Variants in CBLB observed in about 807,000 individuals in gnomAD.
CBLB encodes the protein E3 ubiquitin-protein ligase CBL-B.
In CBLB, 31 loss-of-function variants were observed where a neutral mutation model predicts 104.9. The ratio of observed to expected loss-of-function variants is 0.30; its 90% confidence interval spans 0.22 to 0.40. CBLB has a LOEUF of 0.40. Ranked by LOEUF, CBLB falls within the 10% of genes least tolerant of loss-of-function variation. The probability of loss-of-function intolerance (pLI) is 1.00; values close to 1 mark genes in which losing one functional copy is unlikely to be tolerated. For missense variants in CBLB, 1,062 were observed against 1,214.6 expected, an observed-to-expected ratio of 0.87 and a Z score of 1.87; for synonymous variants, 440 against 422.6, an observed-to-expected ratio of 1.04 and a Z score of -0.51.
At position 105,775,408 on chromosome 3, in the gene CBLB, G is replaced by A. The variant is rs770934964; in HGVS notation, c.566+988C>T. Among the ~76,000 whole-genome samples, 5 of 151,908 alleles carry A rather than the reference G, an allele frequency of 3.3e-5. No homozygotes were observed. The South Asian group carries it at 6.3e-4, about 19-fold the overall frequency. On this transcript the variant is annotated intron_variant, in intron 4 of 18. Transcript: ENST00000394030. ...AAACAAACAAAGGAAAACCAATATC[G>A]CAGTTCAACATATCAAAGTACTAAA...
chr3:105,788,753 T>C (rs1035208569), intron 3 of CBLB, among the ~76,000 whole-genome samples: 1 of 152,202 alleles, frequency 6.6e-6, no homozygotes, highest in African/African-American at 2.4e-5. Context: ...GGAGTCTATT[T>C]CCCTCCCCTT....
At chr3:105,853,710 A>G in intron 2 of CBLB, 46 bp from the exon 3 acceptor site, 1 of 1,370,340 alleles carries the variant, frequency 7.3e-7, no homozygotes, top group Non-Finnish European at 1.0e-6. Flanking sequence ...ATTTTATTTC[A>G]CAGAAAAATT....
intron 8 of CBLB, among the ~76,000 whole-genome samples, chr3:105,735,888 G>C (rs542377414): frequency 1.3e-5 from 2 of 152,166 alleles, no homozygotes; most frequent in Non-Finnish European, 2.9e-5. Flanking sequence ...AGAGGTTGTA[G>C]TGAGCCGAGA....
At chr3:105,694,307 G>A (rs754440604) in intron 12 of CBLB, among the ~76,000 whole-genome samples, 57 of 151,998 alleles carry the variant, frequency 3.8e-4, no homozygotes, top group Admixed American at 1.1e-3. Context: ...AAAACTGTTC[G>A]TTTCTCCTAC....
chr3:105,779,507 A>G (rs1418048770), intron 3 of CBLB, among the ~76,000 whole-genome samples: 1 of 150,550 alleles, frequency 6.6e-6, no homozygotes, highest in Non-Finnish European at 1.5e-5. Flanking sequence ...ATATGCATAT[A>G]TACATACACA....
At chr3:105,798,111 G>A (rs370692328) in intron 3 of CBLB, among the ~76,000 whole-genome samples, 3 of 152,122 alleles carry the variant, frequency 2.0e-5, no homozygotes, top group Admixed American at 6.5e-5. Flanking sequence ...ACAAGCTAAC[G>A]TACAAAATAT....
At chr3:105,704,600 T>C (rs2069783434) in intron 10 of CBLB, among the ~76,000 whole-genome samples, 1 of 152,142 alleles carries the variant, frequency 6.6e-6, no homozygotes, top group Non-Finnish European at 1.5e-5. Flanking sequence ...GTTCCAAACA[T>C]GTATCTTGTA....
chr3:105,733,086 T>C (rs1042349488), intron 9 of CBLB, among the ~76,000 whole-genome samples: 1 of 152,098 alleles, frequency 6.6e-6, no homozygotes, highest in Non-Finnish European at 1.5e-5. Context: ...AAGAAAGCCC[T>C]TGGGCTCACA....
At chr3:105,811,871 T>A (rs1256554661) in intron 3 of CBLB, among the ~76,000 whole-genome samples, 1 of 152,074 alleles carries the variant, frequency 6.6e-6, no homozygotes, top group Non-Finnish European at 1.5e-5. Context: ...CACTGGCTAA[T>A]TTTTGTATTT....
intron 10 of CBLB, among the ~76,000 whole-genome samples, chr3:105,713,875 C>T (rs1249897593): frequency 6.6e-6 from 1 of 152,128 alleles, no homozygotes; most frequent in Non-Finnish European, 1.5e-5. Context: ...CACCCATGGG[C>T]TTGCAGGATA....
intron 7 of CBLB, among the ~76,000 whole-genome samples, chr3:105,738,715 T>C (rs1228255394): frequency 1.3e-5 from 2 of 151,768 alleles, no homozygotes; most frequent in Non-Finnish European, 2.9e-5. Context: ...TATATTTTCT[T>C]AAAAAAAATC....
chr3:105,749,582 T>C (rs954944409), intron 5 of CBLB: 2 of 157,306 alleles, frequency 1.3e-5, no homozygotes, highest in Non-Finnish European at 2.9e-5. Context: ...ATACCCACAG[T>C]AAAAAGTCAT....
intron 9 of CBLB, among the ~76,000 whole-genome samples, chr3:105,733,212 C>T (rs2074521320): frequency 6.6e-6 from 1 of 152,076 alleles, no homozygotes; most frequent in Non-Finnish European, 1.5e-5. Context: ...AAAAAATTAG[C>T]TGGGCACGGT....
At chr3:105,770,590 T>C (rs547330065) in intron 4 of CBLB, among the ~76,000 whole-genome samples, 1 of 152,228 alleles carries the variant, frequency 6.6e-6, no homozygotes, top group Admixed American at 6.5e-5. Flanking sequence ...ACAAATTCCC[T>C]TGAACAGAAT....
intron 13 of CBLB, among the ~76,000 whole-genome samples, chr3:105,690,796 T>A (rs1246365301): frequency 7.1e-6 from 1 of 140,480 alleles, no homozygotes; most frequent in Non-Finnish European, 1.5e-5. Flanking sequence ...CACTCCAGCC[T>A]GGGCGACAGA....
chr3:105,692,685 GA>G (rs1576380616), intron 13 of CBLB, among the ~76,000 whole-genome samples: 1 of 151,954 alleles, frequency 6.6e-6, no homozygotes, highest in East Asian at 1.9e-4. Flanking sequence ...TGGAAAAAGG[GA>G]AACAATGCTA....
chr3:105,833,958 G>A (rs2087987556), intron 3 of CBLB, among the ~76,000 whole-genome samples: 1 of 151,578 alleles, frequency 6.6e-6, no homozygotes, highest in South Asian at 2.1e-4. Context: ...AGGTTGTCAG[G>A]TCCAGAATTA....
chr3:105,668,907 T>C (rs2064765856), intron 18 of CBLB, among the ~76,000 whole-genome samples: 1 of 152,092 alleles, frequency 6.6e-6, no homozygotes, highest in South Asian at 2.1e-4. Flanking sequence ...TGAACTGAGG[T>C]TTTAGCTTAA....
At chr3:105,788,542 C>G (rs1273360218) in intron 3 of CBLB, among the ~76,000 whole-genome samples, 1 of 152,182 alleles carries the variant, frequency 6.6e-6, no homozygotes, top group Non-Finnish European at 1.5e-5. Context: ...ACGGGTTGGA[C>G]AAGCTTGCTC....
Sources: gnomAD v4.1 joint callset for allele counts (sites outside exome capture counted in the v4.1 genomes callset) on GRCh38, gnomAD v4.1.1 for gene constraint, MANE v1.5 for transcripts, NCBI Gene and HGNC (gene_info 2026-07-23, HGNC 2026-07-21) for gene names.